DOCK4: variants seen among roughly 807,000 people sequenced by gnomAD.
The protein encoded by DOCK4 is dedicator of cytokinesis 4, also known as dedicator of cytokinesis protein 4.
DOCK4 carries 97 observed loss-of-function variants against 268.1 expected under a neutral mutation model. The ratio of observed to expected loss-of-function variants is 0.36; its 90% CI spans 0.31 to 0.43. DOCK4 has a LOEUF of 0.43. Among genes scored for constraint, DOCK4 ranks in the 20% least tolerant of loss-of-function variants. The probability of loss-of-function intolerance (pLI) is 1.00; values close to 1 mark genes in which losing one functional copy is unlikely to be tolerated. For missense variants in DOCK4, 2,145 were observed against 2,455.7 expected, an observed-to-expected ratio of 0.87 and a Z score of 2.67; for synonymous variants, 954 against 887.2, an observed-to-expected ratio of 1.08 and a Z score of -1.34.
intron 30 of DOCK4, among the ~76,000 whole-genome samples, chr7:111,795,757 G>A (rs1312825147): frequency 3.3e-5 from 5 of 152,168 alleles, no homozygotes; most frequent in Admixed American, 3.3e-4. Context: ...CCTACCCTCT[G>A]CAGACCAATA....
intron 12 of DOCK4, among the ~76,000 whole-genome samples, chr7:111,922,337 A>G (rs1269322140): frequency 1.3e-5 from 2 of 152,092 alleles, no homozygotes; most frequent in East Asian, 3.9e-4. Flanking sequence ...ATCTCTCTAT[A>G]GTTCTGGAAA....
At chr7:111,739,277 T>C (rs1300016289) in intron 48 of DOCK4, 34 bp from the exon 49 acceptor site, 1 of 1,599,968 alleles carries the variant, frequency 6.3e-7, no homozygotes, top group Non-Finnish European at 8.6e-7. Context: ...ATCATCAGCA[T>C]GGTAGTGGTG....
intron 1 of DOCK4, among the ~76,000 whole-genome samples, chr7:112,047,671 CAG>C (rs145877513): frequency 0.014 from 2,200 of 152,154 alleles, 17 homozygotes; most frequent in Non-Finnish European, 0.021. Flanking sequence ...AAATGAAACA[CAG>C]AGAAAATTAA....
intron 12 of DOCK4, among the ~76,000 whole-genome samples, chr7:111,931,845 A>G (rs1353654501): frequency 6.6e-6 from 1 of 152,180 alleles, no homozygotes; most frequent in Non-Finnish European, 1.5e-5. Context: ...AGTGCTTTGC[A>G]TACATTTTTT....
At position 111,905,702 on chromosome 7, in the gene DOCK4, T is replaced by TGTGTGG. The variant is rs994891002; in HGVS notation, c.1193-3902_1193-3901insCCACAC. Among the ~76,000 whole-genome samples the TGTGTGG allele has an allele frequency of 5.3e-5, 8 of 152,100 alleles. No individual in the cohort carries two copies. The East Asian group carries it at 1.5e-3, about 29-fold the overall frequency. On this transcript the variant is annotated intron_variant, in intron 13 of 52. Coordinates refer to ENST00000428084, the MANE Select transcript of DOCK4 (RefSeq NM_001363540.2). ...GCATGTATGTGTGTGTGTGTGTGTG[T>TGTGTGG]GTGTGTGTGCACGTGTATTGCGTAT... is the stretch of plus-strand genomic sequence containing the variant.
chr7:112,138,229 G>A (rs995388177), intron 1 of DOCK4, among the ~76,000 whole-genome samples: 1 of 152,032 alleles, frequency 6.6e-6, no homozygotes, highest in Non-Finnish European at 1.5e-5. Flanking sequence ...CCCTTTAGTT[G>A]TGTCACCTTG....
chr7:112,046,489 A>C (rs968740576), intron 1 of DOCK4, among the ~76,000 whole-genome samples: 2 of 152,178 alleles, frequency 1.3e-5, no homozygotes, highest in African/African-American at 4.8e-5. Flanking sequence ...TTCAATGGAC[A>C]TGTCTACCTA....
intron 49 of DOCK4, among the ~76,000 whole-genome samples, chr7:111,737,456 G>A (rs936048817): frequency 5.9e-5 from 9 of 152,062 alleles, no homozygotes; most frequent in African/African-American, 2.2e-4. Flanking sequence ...AAATACAAAT[G>A]CTACAGTGGT....
intron 1 of DOCK4, among the ~76,000 whole-genome samples, chr7:112,071,308 CT>C (rs1563056620): frequency 6.6e-6 from 1 of 152,084 alleles, no homozygotes; most frequent in Non-Finnish European, 1.5e-5. Flanking sequence ...TTAATTATTA[CT>C]TCATTTCTCC....
chr7:111,976,302 T>A (rs1349044105), intron 8 of DOCK4, among the ~76,000 whole-genome samples: 1 of 99,000 alleles, frequency 1.0e-5, no homozygotes. Flanking sequence ...TATATATATA[T>A]ATATATATAT....
chr7:111,878,147 C>T (rs919671168), intron 16 of DOCK4, among the ~76,000 whole-genome samples: 29 of 152,256 alleles, frequency 1.9e-4, no homozygotes, highest in African/African-American at 6.7e-4. Context: ...CTGTAAGATG[C>T]CTGGTCTTAT....
intron 30 of DOCK4, among the ~76,000 whole-genome samples, chr7:111,798,994 A>C (rs1800087336): frequency 6.6e-6 from 1 of 152,256 alleles, no homozygotes; most frequent in Non-Finnish European, 1.5e-5. Flanking sequence ...GAAAGAAACA[A>C]GTGAGGTAGC....
At chr7:112,132,016 C>T (rs1279077518) in intron 1 of DOCK4, among the ~76,000 whole-genome samples, 1 of 152,190 alleles carries the variant, frequency 6.6e-6, no homozygotes, top group East Asian at 1.9e-4. Flanking sequence ...GCCTGAAAGG[C>T]TTTCAAAAAT....
At chr7:112,156,025 C>T (rs1816581974) in intron 1 of DOCK4, among the ~76,000 whole-genome samples, 2 of 152,212 alleles carry the variant, frequency 1.3e-5, no homozygotes, top group East Asian at 1.9e-4. Context: ...GAATCATAGC[C>T]CAGTTTGTTT....
chr7:111,900,835 T>C lies in DOCK4; in HGVS notation c.1318-299A>G, dbSNP rs77383360. Among the ~76,000 whole-genome samples, 822 of 152,282 alleles carry C rather than the reference T, an allele frequency of 5.4e-3. 16 individuals are homozygous for C. Among genetic ancestry groups the C allele is most frequent in the East Asian group, 0.049 (255 of 5,172 alleles). Reference sequence around the variant, plus strand: ...ACATGGTAAAGTTCCCAACCTGCCATAGTCAAAAGCCTGTTTTGTGCCTCA... The same window carrying C: ...ACATGGTAAAGTTCCCAACCTGCCACAGTCAAAAGCCTGTTTTGTGCCTCA... On this transcript the variant is annotated intron_variant, in intron 14 of 52. Coordinates refer to ENST00000428084, the MANE Select transcript of DOCK4 (RefSeq NM_001363540.2).
chr7:112,028,079 A>G (rs1802963158), intron 1 of DOCK4, among the ~76,000 whole-genome samples: 1 of 152,222 alleles, frequency 6.6e-6, no homozygotes, highest in South Asian at 2.1e-4. Flanking sequence ...GACGAAAAGG[A>G]TAGCAAGAGA....
intron 10 of DOCK4, 69 bp from the exon 11 acceptor site, chr7:111,940,311 A>G: frequency 1.3e-6 from 2 of 1,599,598 alleles, no homozygotes; most frequent in Non-Finnish European, 1.7e-6. Context: ...GTAGCGAAAC[A>G]TACAGCTATA....
At chr7:111,864,813 T>G (rs1805838630) in intron 22 of DOCK4, among the ~76,000 whole-genome samples, 1 of 152,188 alleles carries the variant, frequency 6.6e-6, no homozygotes. Context: ...TGAAGTTAAA[T>G]AAAATGAGCC....
intron 1 of DOCK4, among the ~76,000 whole-genome samples, chr7:112,044,916 C>A (rs1586709141): frequency 6.6e-6 from 1 of 152,178 alleles, no homozygotes. Flanking sequence ...GCCCTCAGAC[C>A]ATGAGCCTCT....
Sources: allele counts gnomAD v4.1 joint callset (sites outside exome capture counted in the v4.1 genomes callset), GRCh38; gene constraint gnomAD v4.1.1; transcripts MANE v1.5; gene names NCBI Gene and HGNC (gene_info 2026-07-23, HGNC 2026-07-21).